The following ENPP3 variants were observed in gnomAD, a reference collection of about 807,000 sequenced individuals.
ENPP3 encodes ectonucleotide pyrophosphatase/phosphodiesterase 3.
A neutral mutation model predicts 117.8 loss-of-function variants in ENPP3; 104 were observed. The ratio of observed to expected loss-of-function variants is 0.88; its 90% CI spans 0.75 to 1.04. The LOEUF is 1.04. Ranked by LOEUF, ENPP3 falls within the 50% of genes least tolerant of loss-of-function variation. The probability of loss-of-function intolerance (pLI) is 0.00; values close to 1 mark genes in which losing one functional copy is unlikely to be tolerated. For missense variants in ENPP3, 1,026 were observed against 1,051.9 expected (o/e 0.98, Z 0.34); for synonymous variants, 380 against 349.9 (o/e 1.09, Z -0.96).
chr6:131,667,239 C>T (rs1778636476), intron 6 of ENPP3, among the ~76,000 whole-genome samples: 2 of 151,872 alleles, frequency 1.3e-5, no homozygotes, highest in Non-Finnish European at 2.9e-5. Flanking sequence ...TCTCACTGGC[C>T]CCCAGGTGAC....
chr6:131,720,147 T>A (rs553483545), intron 16 of ENPP3, 145 bp from the exon 17 acceptor site: 7 of 529,688 alleles, frequency 1.3e-5, no homozygotes, highest in Non-Finnish European at 2.3e-5. Context: ...AATATGAAAA[T>A]CATTTTCAAA....
rs370143448 is a variant in ENPP3, at chr6:131,717,849, T to A, written c.1413-823T>A. 3.9e-5 allele frequency among the ~76,000 whole-genome samples: 6 copies of A among 152,360 alleles called. No homozygotes were observed. In the East Asian group the frequency reaches 9.6e-4, roughly 24 times the overall value. On this transcript the variant is annotated intron_variant, in intron 15 of 24. Coordinates refer to ENST00000357639, the MANE Select transcript of ENPP3 (RefSeq NM_005021.5). ...TGGTGGTCCCATAAGATTATAATAC[T>A]ATAGTTCTACTATAACTTTTCTATG... is the stretch of plus-strand genomic sequence containing the variant.
chr6:131,651,697 A>G (rs777466604), intron 3 of ENPP3, among the ~76,000 whole-genome samples: 16 of 152,166 alleles, frequency 1.1e-4, no homozygotes, highest in Non-Finnish European at 2.4e-4. Context: ...AGGAGAGTGA[A>G]GATTAGAATA....
chr6:131,722,180 T>C, intron 17 of ENPP3, 47 bp from the exon 18 acceptor site: 2 of 1,372,384 alleles, frequency 1.5e-6, no homozygotes, highest in Admixed American at 3.8e-5. Context: ...GAGGAGTTGT[T>C]GCTTTCCAGT....
At position 131,724,349 on chromosome 6, in the gene ENPP3, C is replaced by G. The variant is rs150693368; in HGVS notation, c.1798+258C>G. On this transcript the variant is annotated intron_variant, in intron 19 of 24. Transcript: ENST00000357639. Reference sequence around the variant, plus strand: ...TGACTCATCTGCAGTCCTCTGTTTCCTTTCCTTAGATGTAAGCAGACTGAG... The same window carrying G: ...TGACTCATCTGCAGTCCTCTGTTTCGTTTCCTTAGATGTAAGCAGACTGAG... Among the ~76,000 whole-genome samples, 1,227 of 152,172 alleles carry G rather than the reference C, an allele frequency of 8.1e-3. 11 individuals are homozygous for G. Among genetic ancestry groups the G allele is most frequent in the African/African-American group, 0.026 (1,071 of 41,498 alleles).
At chr6:131,661,715 A>C (rs543977948) in intron 6 of ENPP3, among the ~76,000 whole-genome samples, 6 of 152,308 alleles carry the variant, frequency 3.9e-5, no homozygotes, top group African/African-American at 1.2e-4. Flanking sequence ...ATATCTATTT[A>C]GGTCATTAGC....
chr6:131,692,187 G>A (rs536034377), intron 14 of ENPP3, among the ~76,000 whole-genome samples: 138 of 152,060 alleles, frequency 9.1e-4, no homozygotes, highest in African/African-American at 2.9e-3. Flanking sequence ...GAAAAATTTC[G>A]TTTCCTTTGT....
intron 15 of ENPP3, among the ~76,000 whole-genome samples, chr6:131,717,018 C>A (rs1779906088): frequency 6.6e-6 from 1 of 151,842 alleles, no homozygotes; most frequent in South Asian, 2.1e-4. Flanking sequence ...CATATGCCAG[C>A]AATTTTATTG....
chr6:131,657,941 T>C (rs1778419706), intron 5 of ENPP3, among the ~76,000 whole-genome samples: 1 of 152,000 alleles, frequency 6.6e-6, no homozygotes, highest in Non-Finnish European at 1.5e-5. Context: ...GGCGGGCGGA[T>C]CACTTGAGGT....
In ENPP3 at chr6:131,726,081, A is replaced by G; in HGVS notation, c.1834A>G (p.Arg612Gly). 1 of 1,612,116 alleles carries G rather than the reference A, an allele frequency of 6.2e-7. No homozygotes were observed. Among genetic ancestry groups the G allele is most frequent in the East Asian group, 2.2e-5 (1 of 44,870 alleles). The change falls in exon 20 of 25, where the codon AGG becomes GGG. Residue 612 changes from arginine to glycine, a missense_variant. Arg to Gly is a moderately radical substitution (Grantham distance 125, BLOSUM62 -2). Transcript: ENST00000357639. Reference protein sequence around the residue: ...ATVKVNLPFGRPRVLQKNVDH... With the variant: ...ATVKVNLPFGGPRVLQKNVDH... ...AGTGAAAGTAAATTTGCCATTTGGG[A>G]GGCCTAGGGTACTGCAGAAGAACGT... is the stretch of plus-strand genomic sequence containing the variant.
chr6:131,652,525 A>T lies in ENPP3; in HGVS notation c.278-17A>T. The stretch of plus-strand genomic sequence containing the variant: ...TGCAGGCTTAAATGCTCAGAACTGA[A>T]TTGTATCGTTTTACAGCTCGAATAT... On this transcript the variant is annotated splice_polypyrimidine_tract_variant and intron_variant, in intron 3 of 24. Transcript: ENST00000357639. 1 of 1,613,624 alleles carries T rather than the reference A, an allele frequency of 6.2e-7. No individual in the cohort carries two copies. Among genetic ancestry groups the T allele is most frequent in the East Asian group, 2.2e-5 (1 of 44,880 alleles).
At chr6:131,661,900 G>T (rs1359806818) in intron 6 of ENPP3, among the ~76,000 whole-genome samples, 1 of 152,064 alleles carries the variant, frequency 6.6e-6, no homozygotes, top group African/African-American at 2.4e-5. Context: ...TTTTTGGTTT[G>T]ATATAGTCCT....
intron 1 of ENPP3, among the ~76,000 whole-genome samples, chr6:131,639,265 A>ATATATATATAT (rs371737976): frequency 4.7e-5 from 5 of 107,186 alleles, no homozygotes; most frequent in South Asian, 3.3e-4. Context: ...ATATATATAT[A>ATATATATATAT]TTTTTTTTTT....
chr6:131,656,550 G>A (rs1308154548), intron 5 of ENPP3, among the ~76,000 whole-genome samples: 3 of 152,038 alleles, frequency 2.0e-5, no homozygotes, highest in South Asian at 2.1e-4. Flanking sequence ...GGCAGATCAC[G>A]AAGTCAGGAG....
intron 2 of ENPP3, among the ~76,000 whole-genome samples, chr6:131,648,192 T>A (rs1463627933): frequency 1.3e-5 from 2 of 151,448 alleles, no homozygotes; most frequent in Admixed American, 6.6e-5. Context: ...CTGCTTGATG[T>A]TTTTTGGGGT....
At chr6:131,702,319 C>G (rs1779557237) in intron 15 of ENPP3, among the ~76,000 whole-genome samples, 1 of 149,530 alleles carries the variant, frequency 6.7e-6, no homozygotes, top group Non-Finnish European at 1.5e-5. Flanking sequence ...GGTCATTCAC[C>G]TCTTAAACTT....
chr6:131,647,860 C>A (rs550376894), intron 2 of ENPP3, among the ~76,000 whole-genome samples: 1 of 152,082 alleles, frequency 6.6e-6, no homozygotes, highest in Admixed American at 6.5e-5. Context: ...CTTCCACTGC[C>A]GTATAATAGC....
chr6:131,716,451 T>G (rs1263216216), intron 15 of ENPP3, among the ~76,000 whole-genome samples: 2 of 151,924 alleles, frequency 1.3e-5, no homozygotes, highest in Admixed American at 6.6e-5. Flanking sequence ...GGAAATATTT[T>G]AAAAAACTAG....
At chr6:131,651,667 G>C (rs1040130112) in intron 3 of ENPP3, among the ~76,000 whole-genome samples, 11 of 152,142 alleles carry the variant, frequency 7.2e-5, no homozygotes, top group African/African-American at 2.7e-4. Context: ...GGTGGTGGTG[G>C]GGGGGTGTCC....
Sources: gnomAD v4.1 joint callset for allele counts (sites outside exome capture counted in the v4.1 genomes callset) on GRCh38, gnomAD v4.1.1 for gene constraint, MANE v1.5 for transcripts, NCBI Gene and HGNC (gene_info 2026-07-23, HGNC 2026-07-21) for gene names.